KCNB2: variants seen among roughly 807,000 people sequenced by gnomAD.
KCNB2 encodes potassium voltage-gated channel subfamily B member 2, also known as delayed rectifier potassium channel protein.
A neutral mutation model predicts 61.5 loss-of-function variants in KCNB2; 15 were observed. The observed-to-expected ratio is 0.24, with a 90% confidence interval of 0.16 to 0.38. KCNB2 has a LOEUF of 0.38. KCNB2 is among the 10% of genes least tolerant of loss of function. KCNB2 has a pLI of 1.00. For synonymous variants in KCNB2, 457 were observed against 446.0 expected (o/e 1.02, Z -0.31); for missense variants, 828 against 1,125.2 (o/e 0.74, Z 3.78).
intron 2 of KCNB2, among the ~76,000 whole-genome samples, chr8:72,569,025 C>CGTGG (rs938150793): frequency 4.0e-4 from 61 of 151,990 alleles, no homozygotes; most frequent in Admixed American, 2.3e-3. Context: ...CTGCATATAT[C>CGTGG]TAAATCTCAC....
chr8:72,683,865 G>A (rs937142138), intron 2 of KCNB2, among the ~76,000 whole-genome samples: 1 of 152,192 alleles, frequency 6.6e-6, no homozygotes, highest in Non-Finnish European at 1.5e-5. Flanking sequence ...TCATTAGGAG[G>A]CCACGGAAGA....
chr8:72,772,185 G>A (rs1019405498), intron 2 of KCNB2, among the ~76,000 whole-genome samples: 6 of 152,158 alleles, frequency 3.9e-5, no homozygotes, highest in Non-Finnish European at 8.8e-5. Flanking sequence ...ATTGGCTGGA[G>A]GACCCTGAGC....
chr8:72,745,877 G>C (rs1212270252), intron 2 of KCNB2, among the ~76,000 whole-genome samples: 2 of 152,000 alleles, frequency 1.3e-5, no homozygotes, highest in African/African-American at 4.8e-5. Flanking sequence ...TCAGGCACCG[G>C]CTCAGAGGCC....
At chr8:72,714,204 G>A (rs946953067) in intron 2 of KCNB2, among the ~76,000 whole-genome samples, 1 of 152,188 alleles carries the variant, frequency 6.6e-6, no homozygotes, top group African/African-American at 2.4e-5. Flanking sequence ...TGAAAGTGAT[G>A]GGGAGAATGA....
chr8:72,560,229 T>C (rs1806491804), intron 1 of KCNB2, among the ~76,000 whole-genome samples: 2 of 152,200 alleles, frequency 1.3e-5, no homozygotes, highest in Admixed American at 6.5e-5. Context: ...CATTACATGA[T>C]CTAAAAGTTA....
intron 2 of KCNB2, among the ~76,000 whole-genome samples, chr8:72,788,954 T>C (rs939275734): frequency 4.7e-4 from 72 of 152,300 alleles, no homozygotes; most frequent in African/African-American, 1.6e-3. Flanking sequence ...TTTATCTTTA[T>C]TGATTCTTCC....
chr8:72,794,210 G>C (rs1808989049), intron 2 of KCNB2, among the ~76,000 whole-genome samples: 1 of 152,192 alleles, frequency 6.6e-6, no homozygotes, highest in Non-Finnish European at 1.5e-5. Context: ...TGCAGGCATA[G>C]TTACAAGTGT....
chr8:72,794,175 A>C (rs1808988272), intron 2 of KCNB2, among the ~76,000 whole-genome samples: 1 of 152,216 alleles, frequency 6.6e-6, no homozygotes. Context: ...GAACAAGTAG[A>C]GAGAAGTGGT....
intron 2 of KCNB2, among the ~76,000 whole-genome samples, chr8:72,795,568 G>A (rs1437915750): frequency 2.0e-5 from 3 of 152,192 alleles, no homozygotes; most frequent in African/African-American, 4.8e-5. Context: ...AATGACACAG[G>A]AAATCGGATT....
At position 72,936,190 on chromosome 8, in the gene KCNB2, G is replaced by A. The variant is rs774483745; in HGVS notation, c.835G>A (p.Val279Ile). 6.2e-7 allele frequency: 1 copy of A among 1,614,218 alleles called. No individual in the cohort carries two copies. Among genetic ancestry groups the A allele is most frequent in the Non-Finnish European group, 8.5e-7 (1 of 1,180,034 alleles). ...TTTGCTGGCCATCTTGCCGTACTATGTCACCATTTTTCTGACGGAGTCCAA... is the reference window on the plus strand; with the variant it reads ...TTTGCTGGCCATCTTGCCGTACTATATCACCATTTTTCTGACGGAGTCCAA... ...IDLLAILPYY[V>I]TIFLTESNKS... is the part of the protein sequence containing the mutation. The change falls in exon 3 of 3, where the codon GTC becomes ATC. Residue 279 changes from valine (V) to isoleucine (I), a missense_variant. This residue lies in a region of KCNB2 where 163 missense variants were observed against 314.4 expected (regional missense o/e 0.52). Transcript: ENST00000523207. The surrounding 1 kb of genome is among the most constrained non-coding windows in gnomAD (Gnocchi z 5.6).
intron 1 of KCNB2, among the ~76,000 whole-genome samples, chr8:72,546,830 A>C (rs1273611347): frequency 6.6e-6 from 1 of 152,190 alleles, no homozygotes; most frequent in Non-Finnish European, 1.5e-5. Context: ...TAATTAAAAA[A>C]AGACATGGTC....
intron 2 of KCNB2, among the ~76,000 whole-genome samples, chr8:72,867,853 G>A (rs1687868464): frequency 6.6e-6 from 1 of 152,122 alleles, no homozygotes; most frequent in Non-Finnish European, 1.5e-5. Context: ...GACTAGGGCG[G>A]TGGAGCAATG....
At chr8:72,597,274 T>A (rs1057116503) in intron 2 of KCNB2, among the ~76,000 whole-genome samples, 14 of 152,154 alleles carry the variant, frequency 9.2e-5, no homozygotes, top group African/African-American at 3.1e-4. Flanking sequence ...TACCTCGTGA[T>A]CTGCCCACCT....
At chr8:72,699,236 A>G (rs1263167543) in intron 2 of KCNB2, among the ~76,000 whole-genome samples, 1 of 152,186 alleles carries the variant, frequency 6.6e-6, no homozygotes, top group African/African-American at 2.4e-5. Flanking sequence ...TTATTTCTCC[A>G]CAGCCTTGCC....
Position 72,937,738 on chromosome 8 carries a change from C to A in KCNB2, c.2383C>A (p.Pro795Thr). The change falls in exon 3 of 3, where the codon CCT becomes ACT. Residue 795 changes from proline to threonine, a missense_variant. Transcript: ENST00000523207. ...CAGGTTTCCCAAGCAGAAACTGTTC[C>A]CTTTCTCTTCAAGAGAGAGGAGGAG... ...SPRFPKQKLF[P>T]FSSRERRSFT... 1 of 1,614,026 alleles carries A rather than the reference C, an allele frequency of 6.2e-7. No individual in the cohort carries two copies. The highest frequency in any genetic ancestry group is 8.5e-7 in the Non-Finnish European group (1 of 1,180,006).
chr8:72,933,223 T>C (rs1194762390), intron 2 of KCNB2, among the ~76,000 whole-genome samples: 1 of 152,238 alleles, frequency 6.6e-6, no homozygotes, highest in Non-Finnish European at 1.5e-5. Context: ...TGTGGTCAAC[T>C]AGACAATAGA....
chr8:72,677,404 T>G (rs1295255220), intron 2 of KCNB2, among the ~76,000 whole-genome samples: 2 of 152,182 alleles, frequency 1.3e-5, no homozygotes, highest in Non-Finnish European at 2.9e-5. Context: ...CAATTTCCCC[T>G]CTGCATGGGA....
chr8:72,621,539 T>C (rs1805713113), intron 2 of KCNB2, among the ~76,000 whole-genome samples: 1 of 152,196 alleles, frequency 6.6e-6, no homozygotes, highest in African/African-American at 2.4e-5. Context: ...TATTTATTTA[T>C]AATTTTTTAT....
Position 72,701,354 on chromosome 8 carries a change from G to T in KCNB2, c.579+133041G>T, listed in dbSNP as rs138909822. Among the ~76,000 whole-genome samples the T allele has an allele frequency of 2.1e-3, 320 of 152,260 alleles. 3 individuals carry two copies. The highest frequency in any genetic ancestry group is 7.2e-3 in the African/African-American group (301 of 41,552). ...TTAACCATTTTCTTTACACTTAATA[G>T]TCAAGAAATTAACCAGTTACATAAA... is the stretch of plus-strand genomic sequence containing the variant. On this transcript the variant is annotated intron_variant, in intron 2 of 2. Coordinates refer to ENST00000523207, the MANE Select transcript of KCNB2 (RefSeq NM_004770.3).
Sources: allele counts gnomAD v4.1 joint callset (sites outside exome capture counted in the v4.1 genomes callset), GRCh38; gene constraint gnomAD v4.1.1; regional missense constraint gnomAD v4.1.1; non-coding constraint Gnocchi (gnomAD v3.1); transcripts MANE v1.5; gene names NCBI Gene and HGNC (gene_info 2026-07-23, HGNC 2026-07-21).